RALGAPB: variants seen among roughly 807,000 people sequenced by gnomAD.
The protein encoded by RALGAPB is ral GTPase-activating protein subunit beta.
In RALGAPB, 25 loss-of-function variants were observed where a neutral mutation model predicts 161.1. The observed-to-expected ratio is 0.16, with a 90% confidence interval of 0.11 to 0.22. RALGAPB has a LOEUF of 0.22. Ranked by LOEUF, RALGAPB falls within the 10% of genes least tolerant of loss-of-function variation. The pLI is 1.00. For missense variants in RALGAPB, 1,391 were observed against 1,815.2 expected (o/e 0.77, Z 4.25); for synonymous variants, 629 against 626.1 (o/e 1.00, Z -0.07).
At position 38,577,729 on chromosome 20, in the gene RALGAPB, A is replaced by ACACT. The variant is rs528205855; in HGVS notation, c.*2764_*2767dup. On this transcript the variant is annotated 3_prime_UTR_variant, in exon 30 of 30. Transcript: ENST00000262879. ...CACACACACACACACACACACACAC[A>ACACT]CACTCGCATACTCATGCACATTTTC... 3.2e-4 allele frequency: 48 copies of ACACT among 151,752 alleles called. No individual in the cohort carries two copies. Among genetic ancestry groups the ACACT allele is most frequent in the African/African-American group, 1.2e-3 (47 of 40,610 alleles). The allele number at this position is 151,752 out of a possible 1,614,324, so 9.4% of individuals were successfully genotyped here. A position where few individuals can be genotyped will look rare whatever the true frequency, so the allele number is the denominator to read the frequency against.
At position 38,551,109 on chromosome 20, in the gene RALGAPB, C is replaced by A. The variant is rs769667448; in HGVS notation, c.3048C>A (p.Asp1016Glu). 6.2e-7 allele frequency: 1 copy of A among 1,613,676 alleles called. No individual in the cohort carries two copies. The highest frequency in any genetic ancestry group is 1.1e-5 in the South Asian group (1 of 91,072). ...VPEPRPVPKN[D>E]VGFKYSVKHR... is the part of the protein sequence containing the mutation. ...AACCTCGCCCAGTTCCTAAAAATGA[C>A]GTTGGATTTAAATATTCTGTGAAAC... Residue 1016 changes from aspartate (D) to glutamate (E), a missense_variant, in exon 21 of 30, where the codon GAC (aspartate) becomes GAA (glutamate). By Grantham distance (45) the Asp-to-Glu change is conservative. Coordinates refer to ENST00000262879, the MANE Select transcript of RALGAPB (RefSeq NM_020336.4).
intron 18 of RALGAPB, 119 bp downstream of exon 18, chr20:38,541,311 T>C (rs2086956885): frequency 9.9e-7 from 1 of 1,011,754 alleles, no homozygotes; most frequent in Non-Finnish European, 1.3e-6. Context: ...CTTTAGAATA[T>C]ACTTTTTCTC....
chr20:38,571,291 G>T (rs1161444984), intron 28 of RALGAPB, among the ~76,000 whole-genome samples: 1 of 152,148 alleles, frequency 6.6e-6, no homozygotes, highest in Non-Finnish European at 1.5e-5. Context: ...ATTATTAGCT[G>T]TAGCCACTGT....
intron 1 of RALGAPB, among the ~76,000 whole-genome samples, chr20:38,483,362 C>G (rs924287026): frequency 6.6e-6 from 1 of 152,134 alleles, no homozygotes; most frequent in Non-Finnish European, 1.5e-5. Context: ...TCTCTGTAAT[C>G]TCAGTGTTTA....
At chr20:38,568,758 G>A (rs1295992) in intron 26 of RALGAPB, 128,008 of 152,164 alleles carry the variant, frequency 0.84, 53,940 homozygotes, top group East Asian at 0.91. Context: ...CCTGTGTACA[G>A]TGTCCTCTCC....
intron 2 of RALGAPB, among the ~76,000 whole-genome samples, chr20:38,492,345 G>A (rs1341463865): frequency 6.6e-6 from 1 of 152,160 alleles, no homozygotes; most frequent in African/African-American, 2.4e-5. Context: ...CTCATTCAGT[G>A]CAGCTAAATG....
intron 1 of RALGAPB, 94 bp from the exon 2 acceptor site, chr20:38,488,309 C>G: frequency 1.3e-6 from 1 of 770,378 alleles, no homozygotes; most frequent in Admixed American, 3.0e-5. Context: ...TTGCAGCATT[C>G]TTTATCATGC....
intron 25 of RALGAPB, among the ~76,000 whole-genome samples, chr20:38,566,565 G>A (rs985352252): frequency 6.6e-6 from 1 of 152,134 alleles, no homozygotes; most frequent in Non-Finnish European, 1.5e-5. Context: ...CTGATATTTG[G>A]GGATTTTTTT....
chr20:38,541,283 C>T, intron 18 of RALGAPB, 91 bp downstream of exon 18: 1 of 1,275,830 alleles, frequency 7.8e-7, no homozygotes, highest in South Asian at 1.9e-5. Flanking sequence ...GATTGTTCAG[C>T]ATTGCGTGAT....
chr20:38,505,348 TCTTA>T (rs1470274385), intron 5 of RALGAPB, among the ~76,000 whole-genome samples: 1 of 152,226 alleles, frequency 6.6e-6, no homozygotes, highest in Admixed American at 6.5e-5. Flanking sequence ...TATCACATGT[TCTTA>T]CTTATAAGTG....
chr20:38,515,320 AGAGCATG>A (rs2086092579), intron 6 of RALGAPB, among the ~76,000 whole-genome samples: 1 of 152,230 alleles, frequency 6.6e-6, no homozygotes, highest in African/African-American at 2.4e-5. Context: ...TTTGAAAGGC[AGAGCATG>A]TATAGATCAC....
chr20:38,527,843 G>T (rs1183080891), intron 13 of RALGAPB, among the ~76,000 whole-genome samples: 1 of 152,216 alleles, frequency 6.6e-6, no homozygotes. Flanking sequence ...GGAAGAGTCA[G>T]TTGTTACTCT....
chr20:38,502,897 C>T (rs1048371341), intron 5 of RALGAPB, among the ~76,000 whole-genome samples: 2 of 152,178 alleles, frequency 1.3e-5, no homozygotes, highest in Admixed American at 6.5e-5. Flanking sequence ...TGAGCCACTG[C>T]GCCTGGCCCT....
intron 29 of RALGAPB, among the ~76,000 whole-genome samples, 161 bp downstream of exon 29, chr20:38,574,459 T>C (rs1190642148): frequency 6.6e-6 from 1 of 152,236 alleles, no homozygotes; most frequent in Non-Finnish European, 1.5e-5. Context: ...TCGTTCTTTT[T>C]AAATCTGTCC....
Position 38,561,414 on chromosome 20 carries a change from C to T in RALGAPB, c.3532-1118C>T, listed in dbSNP as rs539081322. The stretch of plus-strand genomic sequence containing the variant: ...GGGTCAGATGTAATGAATGTAACTT[C>T]CTATATTTTGACTTTCACAGGCCTC... On this transcript the variant is annotated intron_variant, in intron 23 of 29. Transcript: ENST00000262879. Among the ~76,000 whole-genome samples, 4 of 152,302 alleles carry T rather than the reference C, an allele frequency of 2.6e-5. No individual in the cohort carries two copies. In the East Asian group the frequency reaches 7.7e-4, roughly 29 times the overall value.
chr20:38,526,074 A>C, intron 13 of RALGAPB, 32 bp downstream of exon 13: 1 of 1,610,882 alleles, frequency 6.2e-7, no homozygotes, highest in Non-Finnish European at 8.5e-7. Flanking sequence ...TGTAAGTGAA[A>C]CCAAAGTACT....
intron 1 of RALGAPB, among the ~76,000 whole-genome samples, chr20:38,474,816 A>G (rs1482034469): frequency 6.6e-6 from 1 of 152,204 alleles, no homozygotes; most frequent in Non-Finnish European, 1.5e-5. Context: ...GTGCTTTGAC[A>G]TACAGACTCA....
chr20:38,541,224 A>G (rs373661922), intron 18 of RALGAPB, 32 bp downstream of exon 18: 3 of 1,608,692 alleles, frequency 1.9e-6, no homozygotes, highest in Non-Finnish European at 2.6e-6. Flanking sequence ...GATTGTGCCT[A>G]GGAATTAGAT....
chr20:38,530,714 A>G (rs1719771954), intron 13 of RALGAPB, among the ~76,000 whole-genome samples: 1 of 151,040 alleles, frequency 6.6e-6, no homozygotes, highest in African/African-American at 2.4e-5. Flanking sequence ...CCCCTGCCTC[A>G]GCCTCCTGAG....
Sources: allele counts gnomAD v4.1 joint callset (sites outside exome capture counted in the v4.1 genomes callset), GRCh38; gene constraint gnomAD v4.1.1; transcripts MANE v1.5; gene names NCBI Gene and HGNC (gene_info 2026-07-23, HGNC 2026-07-21).